WDR35: variants seen among roughly 807,000 people sequenced by gnomAD.
The protein encoded by WDR35 is WD repeat domain 35, also known as WD repeat-containing protein 35.
In WDR35, 118 loss-of-function variants were observed where a neutral mutation model predicts 158.3. The observed-to-expected ratio is 0.75, with a 90% CI of 0.64 to 0.87. The LOEUF (loss-of-function observed/expected upper bound fraction) is 0.87, where lower values mean the gene tolerates loss of function less well. WDR35 is among the 40% of genes least tolerant of loss of function. The pLI is 0.00. For synonymous variants in WDR35, 448 were observed against 476.1 expected, an observed-to-expected ratio of 0.94 and a Z score of 0.77; for missense variants, 1,263 against 1,405.8, an observed-to-expected ratio of 0.90 and a Z score of 1.62.
chr2:19,975,595 T>C lies in WDR35; in HGVS notation c.505A>G (p.Lys169Glu), dbSNP rs201314030. The C allele has an allele frequency of 5.0e-6, 8 of 1,614,122 alleles. No homozygotes were observed. Among genetic ancestry groups the C allele is most frequent in the East Asian group, 2.2e-5 (1 of 44,854 alleles). Reference sequence around the variant, plus strand: ...TTTGCCATTCCAAAAAGTAAGACTTTACTGTCCGCAGACCATGTTACATGG... The same window carrying C: ...TTTGCCATTCCAAAAAGTAAGACTTCACTGTCCGCAGACCATGTTACATGG... ...LSHVTWSADS[K>E]VLLFGMANGE... Residue 169 changes from lysine (K) to glutamate (E), a missense_variant, in exon 6 of 27, where the codon AAA becomes GAA. Lys to Glu is a moderately conservative substitution (Grantham distance 56). Transcript: ENST00000281405.
chr2:19,915,033 A>G (rs1395507470), intron 25 of WDR35, among the ~76,000 whole-genome samples: 4 of 152,164 alleles, frequency 2.6e-5, no homozygotes, highest in Non-Finnish European at 5.9e-5. Context: ...ATGTATACCT[A>G]TGTAACAAGC....
At chr2:19,944,726 C>T (rs1670992817) in intron 16 of WDR35, among the ~76,000 whole-genome samples, 1 of 152,058 alleles carries the variant, frequency 6.6e-6, no homozygotes, top group Non-Finnish European at 1.5e-5. Flanking sequence ...TTAACAGAGC[C>T]TTTGAGAGCA....
chr2:19,919,400 AAAAG>A (rs1670095691), intron 25 of WDR35, among the ~76,000 whole-genome samples: 1 of 76,066 alleles, frequency 1.3e-5, no homozygotes, highest in African/African-American at 4.8e-5. Flanking sequence ...AAAAAAAAAG[AAAAG>A]AAAAAGAAAA....
At chr2:19,976,777 T>C (rs941597039) in intron 5 of WDR35, among the ~76,000 whole-genome samples, 3 of 151,564 alleles carry the variant, frequency 2.0e-5, no homozygotes, top group Non-Finnish European at 2.9e-5. Flanking sequence ...AAGACTCTTA[T>C]ATTTCTCGAC....
chr2:19,975,567 C>T lies in WDR35; in HGVS notation c.533G>A (p.Gly178Glu). 2 of 1,613,898 alleles carry T rather than the reference C, an allele frequency of 1.2e-6. No homozygotes were observed. The highest frequency in any genetic ancestry group is 1.7e-6 in the Non-Finnish European group (2 of 1,179,906). Reference sequence around the variant, plus strand: ...TTGATTATCGTAAATGTGTATTTCCCCATTTGCCATTCCAAAAAGTAAGAC... The same window carrying T: ...TTGATTATCGTAAATGTGTATTTCCTCATTTGCCATTCCAAAAAGTAAGAC... Reference protein sequence around the residue: ...SKVLLFGMANGEIHIYDNQGN... With the variant: ...SKVLLFGMANEEIHIYDNQGN... Residue 178 changes from glycine to glutamate, a missense_variant, in exon 6 of 27, where the codon GGG (glycine) becomes GAG (glutamate). Transcript: ENST00000281405.
At chr2:19,938,546 G>A (rs573674378) in intron 17 of WDR35, 145 bp from the exon 18 acceptor site, 5 of 1,127,168 alleles carry the variant, frequency 4.4e-6, no homozygotes, top group African/African-American at 1.6e-5. Context: ...AAATCTTCAC[G>A]TTTGGGTCTT....
In WDR35 at chr2:19,933,382, A is replaced by T. The variant is rs757405569; in HGVS notation, c.2658+19T>A. ...TCCTAAGACAATAAGCTGCACAGAC[A>T]GAAAGTTTCAGTTCCTACTTGGTTG... is the stretch of plus-strand genomic sequence containing the variant. On this transcript the variant is annotated intron_variant, in intron 22 of 26. Coordinates refer to ENST00000281405, the MANE Select transcript of WDR35 (RefSeq NM_020779.4). The T allele has an allele frequency of 1.3e-6, 2 of 1,595,644 alleles. No individual in the cohort carries two copies. The highest frequency in any genetic ancestry group is 1.7e-6 in the Non-Finnish European group (2 of 1,163,434).
rs746602378 is a variant in WDR35 at position 19,974,546 on chromosome 2, C to T, written c.658G>A (p.Val220Met). The T allele has an allele frequency of 1.6e-5, 26 of 1,613,302 alleles. No homozygotes were observed. The highest frequency in any genetic ancestry group is 4.0e-5 in the African/African-American group (3 of 74,934). Reference sequence around the variant, plus strand: ...GCAAGGCAAGGGCAATCAGGCTCCACGTAGCCTTCTGTGCCATGGTACCAA... The same window carrying T: ...GCAAGGCAAGGGCAATCAGGCTCCATGTAGCCTTCTGTGCCATGGTACCAA... Reference protein sequence around the residue: ...IHWYHGTEGYVEPDCPCLAVC... With the variant: ...IHWYHGTEGYMEPDCPCLAVC... The change falls in exon 7 of 27, where the codon GTG (valine) becomes ATG (methionine). Residue 220 changes from valine to methionine, a missense_variant. Coordinates refer to ENST00000281405, the MANE Select transcript of WDR35 (RefSeq NM_020779.4).
chr2:19,919,733 T>C (rs948433374), intron 25 of WDR35, among the ~76,000 whole-genome samples: 1 of 151,732 alleles, frequency 6.6e-6, no homozygotes, highest in Non-Finnish European at 1.5e-5. Context: ...ATAACTAAGA[T>C]CACAGCAGAA....
At chr2:19,936,463 A>G in intron 19 of WDR35, 98 bp from the exon 20 acceptor site, 2 of 1,517,780 alleles carry the variant, frequency 1.3e-6, no homozygotes, top group Non-Finnish European at 1.8e-6. Flanking sequence ...CTGAGGCTAC[A>G]CAGCAGTGGA....
In WDR35 at chr2:19,982,534, T is replaced by A. The variant is rs1483161165; in HGVS notation, c.143A>T (p.Asp48Val). ...LKVLKLETQT[D>V]DAKLRGLAAP... is the part of the protein sequence containing the mutation. ...TGCAAGGCCCCTCAATTTTGCATCA[T>A]CTAAAACAAAACAAAACAAACTACT... The change falls in exon 3 of 27, where the codon GAT becomes GTT. Residue 48 changes from aspartate to valine, a missense_variant and splice_region_variant. Coordinates refer to ENST00000281405, the MANE Select transcript of WDR35 (RefSeq NM_020779.4). The A allele has an allele frequency of 6.2e-7, 1 of 1,613,504 alleles. No homozygotes were observed. Among genetic ancestry groups the A allele is most frequent in the African/African-American group, 1.3e-5 (1 of 75,014 alleles).
intron 17 of WDR35, among the ~76,000 whole-genome samples, chr2:19,940,756 C>G (rs987500045): frequency 3.3e-5 from 5 of 152,172 alleles, no homozygotes; most frequent in African/African-American, 1.2e-4. Flanking sequence ...GACCCACTCC[C>G]TAACTACTAA....
chr2:19,936,515 GC>G (rs1449741186), intron 19 of WDR35, 150 bp from the exon 20 acceptor site: 1 of 1,150,238 alleles, frequency 8.7e-7, no homozygotes, highest in African/African-American at 1.5e-5. Context: ...AGCCTGACTA[GC>G]TAAGAGGAAA....
intron 9 of WDR35, among the ~76,000 whole-genome samples, chr2:19,968,292 C>G (rs1167727940): frequency 6.6e-6 from 1 of 152,044 alleles, no homozygotes; most frequent in Non-Finnish European, 1.5e-5. Context: ...TACTTTTTTT[C>G]CCCTCTCCAT....
intron 2 of WDR35, 21 bp downstream of exon 2, chr2:19,989,144 T>A: frequency 6.2e-7 from 1 of 1,603,796 alleles, no homozygotes; most frequent in South Asian, 1.1e-5. Flanking sequence ...CTACCAAACA[T>A]GTGGGCTTGC....
chr2:19,988,261 G>A (rs920874166), intron 2 of WDR35, among the ~76,000 whole-genome samples: 1 of 152,142 alleles, frequency 6.6e-6, no homozygotes, highest in African/African-American at 2.4e-5. Flanking sequence ...ATGGAAAATC[G>A]TCAATAAGTA....
chr2:19,913,718 G>C lies in WDR35; in HGVS notation c.3363-10C>G, dbSNP rs373583891. ...CAGTTTCCCTTCTCCACTGTAAAAC[G>C]GGGAGAAACAATTCATTATACTTTA... On this transcript the variant is annotated splice_polypyrimidine_tract_variant and intron_variant, in intron 26 of 26. Coordinates refer to ENST00000281405, the MANE Select transcript of WDR35 (RefSeq NM_020779.4). 6.2e-7 allele frequency: 1 copy of C among 1,613,826 alleles called. No homozygotes were observed. Among genetic ancestry groups the C allele is most frequent in the Admixed American group, 1.7e-5 (1 of 59,994 alleles).
At chr2:19,989,560 G>A (rs190445967) in intron 1 of WDR35, among the ~76,000 whole-genome samples, 25 of 152,294 alleles carry the variant, frequency 1.6e-4, no homozygotes, top group Admixed American at 5.9e-4. Flanking sequence ...GGGAGGACGG[G>A]GAGAGGGTAT....
chr2:19,985,255 C>CCA (rs1672517125), intron 2 of WDR35, among the ~76,000 whole-genome samples: 1 of 149,344 alleles, frequency 6.7e-6, no homozygotes, highest in Non-Finnish European at 1.5e-5. Flanking sequence ...GCAAGAAATG[C>CCA]CACCTCAATC....
Sources: allele counts gnomAD v4.1 joint callset (sites outside exome capture counted in the v4.1 genomes callset), GRCh38; gene constraint gnomAD v4.1.1; transcripts MANE v1.5; gene names NCBI Gene and HGNC (gene_info 2026-07-23, HGNC 2026-07-21).